Variants in SEC24D observed in about 807,000 individuals in gnomAD.
The protein encoded by SEC24D is protein transport protein Sec24D.
A neutral mutation model predicts 116.9 loss-of-function variants in SEC24D; 69 were observed. The observed-to-expected ratio is 0.59, with a 90% CI of 0.49 to 0.72. The LOEUF is 0.72. SEC24D is among the 30% of genes least tolerant of loss of function. The pLI is 0.00. For missense variants in SEC24D, 1,131 were observed against 1,264.1 expected (o/e 0.89, Z 1.60); for synonymous variants, 405 against 442.8 (o/e 0.91, Z 1.07).
intron 8 of SEC24D, among the ~76,000 whole-genome samples, chr4:118,784,739 GCCCC>G (rs35053926): frequency 1.1e-3 from 142 of 132,310 alleles, no homozygotes; most frequent in Admixed American, 3.8e-3. Context: ...ATCCTTCCCT[GCCCC>G]CCCCCCCGCC....
chr4:118,742,095 T>C (rs1434684594), intron 15 of SEC24D, among the ~76,000 whole-genome samples: 1 of 152,182 alleles, frequency 6.6e-6, no homozygotes, highest in Non-Finnish European at 1.5e-5. Flanking sequence ...GTAATAATTA[T>C]GGATACACTG....
intron 10 of SEC24D, among the ~76,000 whole-genome samples, chr4:118,764,129 T>G (rs145956906): frequency 1.0e-3 from 156 of 152,276 alleles, no homozygotes; most frequent in African/African-American, 3.5e-3. Context: ...TGAAAAGTTT[T>G]GTATAACTGA....
chr4:118,799,769 G>A (rs1163510218), intron 7 of SEC24D, among the ~76,000 whole-genome samples: 1 of 152,148 alleles, frequency 6.6e-6, no homozygotes, highest in Non-Finnish European at 1.5e-5. Context: ...GGCAGTTTTG[G>A]TGGAATGCTA....
At chr4:118,755,353 G>C (rs1433963372) in intron 11 of SEC24D, among the ~76,000 whole-genome samples, 1 of 149,942 alleles carries the variant, frequency 6.7e-6, no homozygotes, top group African/African-American at 2.5e-5. Context: ...CATTTTAATG[G>C]AATGAACCTG....
chr4:118,751,851 A>G (rs563961780), intron 13 of SEC24D, 145 bp downstream of exon 13: 1 of 644,870 alleles, frequency 1.6e-6, no homozygotes, highest in South Asian at 1.8e-5. Context: ...TTTCCTCCTG[A>G]GATCTGAGTG....
Position 118,833,655 on chromosome 4 carries a change from C to T in SEC24D, c.42G>A (p.Gln14=). The change falls in exon 2 of 23, where the codon CAG becomes CAA. Residue 14 remains glutamine (Q), a synonymous_variant. Coordinates refer to ENST00000280551, the MANE Select transcript of SEC24D (RefSeq NM_014822.4). The part of the protein sequence containing the change: ...QGYVATPPYS[Q]PQPGIGLSPP... Reference sequence around the variant, plus strand: ...GAGAAAGGCCTATTCCAGGCTGAGGCTGAGAATACGGAGGTGTAGCCACGT... The same window carrying T: ...GAGAAAGGCCTATTCCAGGCTGAGGTTGAGAATACGGAGGTGTAGCCACGT... The T allele has an allele frequency of 3.1e-6, 5 of 1,614,040 alleles. No individual in the cohort carries two copies. The highest frequency in any genetic ancestry group is 4.2e-6 in the Non-Finnish European group (5 of 1,179,972).
rs776917927 is a variant in SEC24D at position 118,824,739 on chromosome 4, C to T, written c.129G>A (p.Lys43=). 1.3e-6 allele frequency: 2 copies of T among 1,593,432 alleles called. No individual in the cohort carries two copies. The highest frequency in any genetic ancestry group is 1.7e-6 in the Non-Finnish European group (2 of 1,173,088). The change falls in exon 3 of 23, where the codon AAG becomes AAA. Residue 43 remains lysine, a synonymous_variant. Coordinates refer to ENST00000280551, the MANE Select transcript of SEC24D (RefSeq NM_014822.4). ...SHTASPTGMM[K]PAGPLGATAT... is the part of the protein sequence containing the mutation. ...CGGTGGCCCCCAAAGGCCCTGCTGGCTTCATCATACCTGCAAGAGAGGGGC... is the reference window on the plus strand; with the variant it reads ...CGGTGGCCCCCAAAGGCCCTGCTGGTTTCATCATACCTGCAAGAGAGGGGC...
chr4:118,736,149 G>T (rs1052675694), intron 19 of SEC24D: 7 of 150,164 alleles, frequency 4.7e-5, no homozygotes, highest in African/African-American at 1.7e-4. Flanking sequence ...GGGATTAGAG[G>T]TCCATGCCAC....
intron 8 of SEC24D, among the ~76,000 whole-genome samples, chr4:118,784,747 C>G (rs926030146): frequency 4.6e-5 from 7 of 151,712 alleles, no homozygotes; most frequent in African/African-American, 1.2e-4. Flanking sequence ...CTGCCCCCCC[C>G]CCCGCCACCA....
chr4:118,744,976 C>A lies in SEC24D; in HGVS notation c.1792G>T (p.Asp598Tyr), dbSNP rs749811700. The A allele has an allele frequency of 6.2e-7, 1 of 1,609,950 alleles. No homozygotes were observed. Among genetic ancestry groups the A allele is most frequent in the Non-Finnish European group, 8.5e-7 (1 of 1,177,714 alleles). Residue 598 changes from aspartate (D) to tyrosine (Y), a missense_variant, in exon 14 of 23, where the codon GAC becomes TAC. Transcript: ENST00000280551. ...EAPGKLKNRDDKKLVNTDKEK... is the reference protein window; with the variant it reads ...EAPGKLKNRDYKKLVNTDKEK... ...TTGTCTGTATTAACCAGTTTTTTGT[C>A]ATCTCTGTTTTTGAGCTTCCCTGGT...
chr4:118,727,796 C>G (rs988098654), intron 22 of SEC24D, among the ~76,000 whole-genome samples: 2 of 152,024 alleles, frequency 1.3e-5, no homozygotes, highest in East Asian at 3.9e-4. Flanking sequence ...GTCATTAGTT[C>G]AATTTACCTA....
At chr4:118,748,876 T>C (rs1184980962) in intron 13 of SEC24D, among the ~76,000 whole-genome samples, 1 of 152,128 alleles carries the variant, frequency 6.6e-6, no homozygotes, top group African/African-American at 2.4e-5. Context: ...CCATAAACCT[T>C]TGTGCAAGGA....
At chr4:118,726,528 A>C (rs1268543832) in intron 22 of SEC24D, among the ~76,000 whole-genome samples, 1 of 152,226 alleles carries the variant, frequency 6.6e-6, no homozygotes, top group Non-Finnish European at 1.5e-5. Flanking sequence ...GCCGGTGTTC[A>C]ATAAATATTT....
At chr4:118,752,437 T>C (rs921631446) in intron 12 of SEC24D, among the ~76,000 whole-genome samples, 1 of 152,178 alleles carries the variant, frequency 6.6e-6, no homozygotes, top group Admixed American at 6.6e-5. Context: ...TGCGATACCT[T>C]TCCAGAAAAA....
At chr4:118,804,553 G>T (rs1387385076) in intron 7 of SEC24D, among the ~76,000 whole-genome samples, 1 of 151,236 alleles carries the variant, frequency 6.6e-6, no homozygotes, top group Non-Finnish European at 1.5e-5. Context: ...AGGTTGAAAT[G>T]AAATTGCCAC....
At chr4:118,776,349 T>C (rs551941843) in intron 8 of SEC24D, among the ~76,000 whole-genome samples, 1 of 152,306 alleles carries the variant, frequency 6.6e-6, no homozygotes, top group South Asian at 2.1e-4. Context: ...CCCAGGCCTC[T>C]AATGCCAGGA....
At position 118,815,685 on chromosome 4, in the gene SEC24D, G is replaced by C. The variant is rs1172192444; in HGVS notation, c.439C>G (p.Leu147Val). Residue 147 changes from leucine to valine, a missense_variant, in exon 5 of 23, where the codon CTG (leucine) becomes GTG (valine). Transcript: ENST00000280551. ...APPSQGPPGP[L>V]SATSLQTPPR... ...GGAGTCTGCAATGATGTGGCTGACA[G>C]AGGGCCAGGGGGTCCCTGGCTTGGA... 6.2e-7 allele frequency: 1 copy of C among 1,614,050 alleles called. No homozygotes were observed. The highest frequency in any genetic ancestry group is 8.5e-7 in the Non-Finnish European group (1 of 1,180,044).
chr4:118,728,045 G>A (rs1207255676), intron 22 of SEC24D, among the ~76,000 whole-genome samples: 1 of 151,980 alleles, frequency 6.6e-6, no homozygotes, highest in Non-Finnish European at 1.5e-5. Context: ...AGCTTGGGAA[G>A]GAAAACAAGT....
chr4:118,726,251 G>C (rs895055276), intron 22 of SEC24D, among the ~76,000 whole-genome samples: 2 of 152,198 alleles, frequency 1.3e-5, no homozygotes. Context: ...AACCCTCGGG[G>C]AATACCAACT....
Sources: allele counts gnomAD v4.1 joint callset (sites outside exome capture counted in the v4.1 genomes callset), GRCh38; gene constraint gnomAD v4.1.1; transcripts MANE v1.5; gene names NCBI Gene and HGNC (gene_info 2026-07-23, HGNC 2026-07-21).